Variants in PCDH18 observed in about 807,000 individuals in gnomAD.
PCDH18 encodes protocadherin 18.
PCDH18 carries 38 observed loss-of-function variants against 71.5 expected under a neutral mutation model. The observed-to-expected ratio is 0.53, with a 90% confidence interval of 0.41 to 0.70. PCDH18 has a LOEUF of 0.70. PCDH18 is among the 30% of genes least tolerant of loss of function. The pLI is 0.00. For missense variants in PCDH18, 1,334 were observed against 1,384.6 expected, an observed-to-expected ratio of 0.96 and a Z score of 0.58; for synonymous variants, 565 against 505.4, an observed-to-expected ratio of 1.12 and a Z score of -1.58.
rs1440664122 is a variant in PCDH18, at chr4:137,530,196, A to G, written c.1893T>C (p.Ile631=). ...VAGNEENIFI[I]DPRSCDIHTN... is the part of the protein sequence containing the mutation. ...TATGGATGTCACATGATCGTGGATC[A>G]ATTATGAAGATATTCTCCTCATTAC... The change falls in exon 1 of 4, where the codon ATT becomes ATC. Residue 631 remains isoleucine (I), a synonymous_variant. Transcript: ENST00000344876. 8 of 1,613,906 alleles carry G rather than the reference A, an allele frequency of 5.0e-6. No individual in the cohort carries two copies. Among genetic ancestry groups the G allele is most frequent in the East Asian group, 2.2e-5 (1 of 44,854 alleles).
chr4:137,529,570 T>G (rs1731585363), intron 1 of PCDH18, 32 bp downstream of exon 1: 1 of 1,444,008 alleles, frequency 6.9e-7, no homozygotes, highest in African/African-American at 1.4e-5. Flanking sequence ...ACACCTAACA[T>G]TGCAATGAAT....
rs142854176 is a variant in PCDH18 at position 137,531,930 on chromosome 4, A to T, written c.159T>A (p.Asp53Glu). The T allele has an allele frequency of 6.2e-7, 1 of 1,614,136 alleles. No individual in the cohort carries two copies. Among genetic ancestry groups the T allele is most frequent in the South Asian group, 1.1e-5 (1 of 91,078 alleles). ...VIARLSEDVA[D>E]VLLKLPNPST... is the part of the protein sequence containing the mutation. ...AAGGATTAGGAAGCTTCAATAAAAC[A>T]TCAGCCACATCCTCTGATAGTCTTG... Residue 53 changes from aspartate to glutamate, a missense_variant, in exon 1 of 4, where the codon GAT (aspartate) becomes GAA (glutamate). This residue lies in a region of PCDH18 where 1,011 missense variants were observed against 1,048.0 expected (regional missense o/e 0.96). Coordinates refer to ENST00000344876, the MANE Select transcript of PCDH18 (RefSeq NM_019035.5).
chr4:137,528,778 G>A lies in PCDH18; in HGVS notation c.2530C>T (p.Gln844Ter). Residue 844 changes from glutamine to a stop codon, truncating the protein, a stop_gained, in exon 2 of 4, where the codon CAG becomes TAG. Coordinates refer to ENST00000344876, the MANE Select transcript of PCDH18 (RefSeq NM_019035.5). LOFTEE classifies it high-confidence loss of function. Reference sequence around the variant, plus strand: ...TTTCCTCGAAAACTTGGTCTTGGCTGATATTGCCCCTGGTGAAGCATTGAA... The same window carrying A: ...TTTCCTCGAAAACTTGGTCTTGGCTAATATTGCCCCTGGTGAAGCATTGAA... ...LLSMLHQGQY[Q>*]PRPSFRGNKY... 1 of 1,613,596 alleles carries A rather than the reference G, an allele frequency of 6.2e-7. No homozygotes were observed. Among genetic ancestry groups the A allele is most frequent in the Non-Finnish European group, 8.5e-7 (1 of 1,179,778 alleles).
chr4:137,531,336 A>G lies in PCDH18; in HGVS notation c.753T>C (p.Tyr251=), dbSNP rs61734719. 3.1e-6 allele frequency: 5 copies of G among 1,614,028 alleles called. No individual in the cohort carries two copies. Among genetic ancestry groups the G allele is most frequent in the Non-Finnish European group, 1.7e-6 (2 of 1,180,012 alleles). Residue 251 remains tyrosine (Y), a synonymous_variant, in exon 1 of 4, where the codon TAT becomes TAC. Transcript: ENST00000344876. The part of the protein sequence containing the change: ...DNSPAFEQQS[Y]IIQLLENSPV... ...GGGAGTTTTCTAAGAGTTGTATTATATAAGATTGCTGCTCAAAAGCAGGGC... is the reference window on the plus strand; with the variant it reads ...GGGAGTTTTCTAAGAGTTGTATTATGTAAGATTGCTGCTCAAAAGCAGGGC...
chr4:137,523,011 A>G (rs1468694369), intron 3 of PCDH18, among the ~76,000 whole-genome samples: 1 of 152,202 alleles, frequency 6.6e-6, no homozygotes, highest in African/African-American at 2.4e-5. Flanking sequence ...TTCTGTTCTT[A>G]AACTGCAAGA....
At position 137,521,278 on chromosome 4, in the gene PCDH18, T is replaced by C; in HGVS notation, c.3159A>G (p.Val1053=). ...PAKTVGYPQG[V]AAWAASTHFQ... ...AATGCGTACTGGCTGCCCATGCCGC[T>C]ACCCCCTGTGGGTAACCCACAGTTT... is the stretch of plus-strand genomic sequence containing the variant. Residue 1053 remains valine, a synonymous_variant, in exon 4 of 4, where the codon GTA becomes GTG. Coordinates refer to ENST00000344876, the MANE Select transcript of PCDH18 (RefSeq NM_019035.5). The C allele has an allele frequency of 6.2e-7, 1 of 1,614,202 alleles. No individual in the cohort carries two copies. Among genetic ancestry groups the C allele is most frequent in the Non-Finnish European group, 8.5e-7 (1 of 1,180,030 alleles).
rs768503668 is a variant in PCDH18, at chr4:137,520,931, C to A, written c.*98G>T. 4.6e-5 allele frequency: 35 copies of A among 767,854 alleles called. No individual in the cohort carries two copies. The highest frequency in any genetic ancestry group is 7.1e-5 in the Non-Finnish European group (33 of 468,070). The allele number at this position is 767,854 out of a possible 1,614,324, so 47.6% of individuals were successfully genotyped here. A position where few individuals can be genotyped will look rare whatever the true frequency, so the allele number is the denominator to read the frequency against. Reference sequence around the variant, plus strand: ...TACACAGACACATTTATGATAAATGCAACTATTTGGCAATGCCAGTTCTTT... The same window carrying A: ...TACACAGACACATTTATGATAAATGAAACTATTTGGCAATGCCAGTTCTTT... On this transcript the variant is annotated 3_prime_UTR_variant, in exon 4 of 4. Transcript: ENST00000344876.
At position 137,530,335 on chromosome 4, in the gene PCDH18, G is replaced by A. The variant is rs766678974; in HGVS notation, c.1754C>T (p.Thr585Met). Residue 585 changes from threonine (T) to methionine (M), a missense_variant, in exon 1 of 4, where the codon ACG becomes ATG. Coordinates refer to ENST00000344876, the MANE Select transcript of PCDH18 (RefSeq NM_019035.5). ...CCCTTTGGGAATGGTGATTTCTGCC[G>A]TATTATTACGCAATGCAGGCCCTAT... The part of the protein sequence containing the change: ...VVIGPALRNN[T>M]AEITIPKGAE... 14 of 1,613,300 alleles carry A rather than the reference G, an allele frequency of 8.7e-6. No individual in the cohort carries two copies. Among genetic ancestry groups the A allele is most frequent in the Non-Finnish European group, 1.2e-5 (14 of 1,179,446 alleles).
chr4:137,529,875 C>A lies in PCDH18; in HGVS notation c.2214G>T (p.Val738=). The A allele has an allele frequency of 6.2e-7, 1 of 1,613,758 alleles. No individual in the cohort carries two copies. Among genetic ancestry groups the A allele is most frequent in the Non-Finnish European group, 8.5e-7 (1 of 1,179,826 alleles). The change falls in exon 1 of 4, where the codon GTG becomes GTT. Residue 738 remains valine (V), a synonymous_variant. Coordinates refer to ENST00000344876, the MANE Select transcript of PCDH18 (RefSeq NM_019035.5). ...GGTGGTGCTGGTAAGTTGATTCGGC[C>A]ACCCTGCAGTTATAGGATCTAGTGT... is the stretch of plus-strand genomic sequence containing the variant. ...KKDTRSYNCR[V]AESTYQHHPK...
chr4:137,523,100 G>A (rs912922062), intron 3 of PCDH18, among the ~76,000 whole-genome samples: 5 of 151,986 alleles, frequency 3.3e-5, no homozygotes, highest in African/African-American at 9.7e-5. Flanking sequence ...TTATGAGTGA[G>A]AAAAAAGCTG....
rs1043779187 is a variant in PCDH18, at chr4:137,521,300, G to A, written c.3137C>T (p.Thr1046Ile). The change falls in exon 4 of 4, where the codon ACT becomes ATT. Residue 1046 changes from threonine to isoleucine, a missense_variant. Transcript: ENST00000344876. ...ERRKGPLPAKTVGYPQGVAAW... is the reference protein window; with the variant it reads ...ERRKGPLPAKIVGYPQGVAAW... ...CGCTACCCCCTGTGGGTAACCCACA[G>A]TTTTGGCTGGCAAGGGTCCCTTCCT... is the stretch of plus-strand genomic sequence containing the variant. 5.6e-6 allele frequency: 9 copies of A among 1,614,092 alleles called. No individual in the cohort carries two copies. Among genetic ancestry groups the A allele is most frequent in the African/African-American group, 1.3e-5 (1 of 74,938 alleles).
Position 137,532,017 on chromosome 4 carries a change from A to C in PCDH18, c.72T>G (p.Asp24Glu), listed in dbSNP as rs765249573. 6.2e-7 allele frequency: 1 copy of C among 1,613,866 alleles called. No individual in the cohort carries two copies. The highest frequency in any genetic ancestry group is 2.2e-5 in the East Asian group (1 of 44,856). The change falls in exon 1 of 4, where the codon GAT becomes GAG. Residue 24 changes from aspartate to glutamate, a missense_variant. This residue lies in a region of PCDH18 where 1,011 missense variants were observed against 1,048.0 expected (regional missense o/e 0.96). Coordinates refer to ENST00000344876, the MANE Select transcript of PCDH18 (RefSeq NM_019035.5). ...TGTATTTCAAATTCTTGCCCAGTAC[A>C]TCGTGGTTGAAAGATACTATCAGAA... ...FALLIVSFNHDVLGKNLKYRI... is the reference protein window; with the variant it reads ...FALLIVSFNHEVLGKNLKYRI...
Position 137,521,279 on chromosome 4 carries a change from AC to A in PCDH18, c.3157del (p.Val1053Ter), listed in dbSNP as rs1158476914. ...ATGCGTACTGGCTGCCCATGCCGCT[AC>A]CCCCTGTGGGTAACCCACAGTTTTG... ...PAKTVGYPQG[V>X]AAWAASTHFQ... On this transcript the variant is annotated frameshift_variant, in exon 4 of 4. Transcript: ENST00000344876. LOFTEE classifies it high-confidence loss of function. 1.9e-6 allele frequency: 3 copies of A among 1,613,926 alleles called. No individual in the cohort carries two copies. Among genetic ancestry groups the A allele is most frequent in the Admixed American group, 1.7e-5 (1 of 59,992 alleles).
intron 3 of PCDH18, among the ~76,000 whole-genome samples, chr4:137,527,368 CTGTATTGTTTTTTATT>C (rs201898945): frequency 0.02 from 3,103 of 152,228 alleles, 51 homozygotes; most frequent in Middle Eastern, 0.041. Context: ...AGTTGTTATA[CTGTATTGTTTTTTATT>C]TGTATTGTTT....
At position 137,520,425 on chromosome 4, in the gene PCDH18, A is replaced by G. The variant is rs549910799; in HGVS notation, c.*604T>C. On this transcript the variant is annotated 3_prime_UTR_variant, in exon 4 of 4. Coordinates refer to ENST00000344876, the MANE Select transcript of PCDH18 (RefSeq NM_019035.5). ...AAAAGTTCATTTGAGATAGTCATCT[A>G]ATAAATAACCTTCAAGATATTTCTC... 6.6e-6 allele frequency: 1 copy of G among 152,332 alleles called. No homozygotes were observed. The highest frequency in any genetic ancestry group is 1.9e-4 in the East Asian group (1 of 5,192). 9.4% of individuals were successfully genotyped at this position (152,332 alleles called of 1,614,324 possible). A position where few individuals can be genotyped will look rare whatever the true frequency, so the allele number is the denominator to read the frequency against.
rs751750207 is a variant in PCDH18, at chr4:137,530,765, T to C, written c.1324A>G (p.Thr442Ala). ...TGTTTCACTGTAGAGAGACTGGGTGTCCCCCTGTCCTCAGCGATTACAGTC... is the reference window on the plus strand; with the variant it reads ...TGTTTCACTGTAGAGAGACTGGGTGCCCCCCTGTCCTCAGCGATTACAGTC... ...SLTVIAEDRGTPSLSTVKHFT... is the reference protein window; with the variant it reads ...SLTVIAEDRGAPSLSTVKHFT... The change falls in exon 1 of 4, where the codon ACA becomes GCA. Residue 442 changes from threonine (T) to alanine (A), a missense_variant. By Grantham distance (58) the Thr-to-Ala change is moderately conservative. This residue lies in a region of PCDH18 where 1,011 missense variants were observed against 1,048.0 expected (regional missense o/e 0.96). Coordinates refer to ENST00000344876, the MANE Select transcript of PCDH18 (RefSeq NM_019035.5). 1 of 1,612,230 alleles carries C rather than the reference T, an allele frequency of 6.2e-7. No homozygotes were observed. Among genetic ancestry groups the C allele is most frequent in the East Asian group, 2.2e-5 (1 of 44,818 alleles).
At chr4:137,525,324 T>G (rs551233026) in intron 3 of PCDH18, among the ~76,000 whole-genome samples, 1 of 152,246 alleles carries the variant, frequency 6.6e-6, no homozygotes, top group Admixed American at 6.5e-5. Context: ...CAACATAACA[T>G]AATCTATATT....
rs150208982 is a variant in PCDH18, at chr4:137,521,509, G to A, written c.2928C>T (p.Ser976=). The stretch of plus-strand genomic sequence containing the variant: ...TGGAAAAACTCTTCTTCTTTTCACC[G>A]GAATCTGCAGGCTGAGCGTCATCCT... ...SLEDDAQPAD[S]GEKKKSFSTF... The change falls in exon 4 of 4, where the codon TCC becomes TCT. Residue 976 remains serine (S), a synonymous_variant. Coordinates refer to ENST00000344876, the MANE Select transcript of PCDH18 (RefSeq NM_019035.5). The A allele has an allele frequency of 6.0e-4, 967 of 1,614,052 alleles. 6 individuals are homozygous for A. In the East Asian group the frequency reaches 9.6e-3, roughly 16 times the overall value.
At chr4:137,522,741 C>G (rs1731336924) in intron 3 of PCDH18, among the ~76,000 whole-genome samples, 1 of 152,050 alleles carries the variant, frequency 6.6e-6, no homozygotes, top group Admixed American at 6.6e-5. Flanking sequence ...TAGGAAGATT[C>G]CTCTTCCTCC....
Sources: allele counts gnomAD v4.1 joint callset (sites outside exome capture counted in the v4.1 genomes callset), GRCh38; gene constraint gnomAD v4.1.1; regional missense constraint gnomAD v4.1.1; transcripts MANE v1.5; gene names NCBI Gene and HGNC (gene_info 2026-07-23, HGNC 2026-07-21).